The following FCHO1 variants were observed in gnomAD, a reference collection of about 807,000 sequenced individuals.
FCHO1 encodes the protein F-BAR domain only protein 1.
FCHO1 carries 45 observed loss-of-function variants against 114.4 expected under a neutral mutation model. The observed-to-expected ratio is 0.39, with a 90% CI of 0.31 to 0.50. The LOEUF is 0.50. Among genes scored for constraint, FCHO1 ranks in the 20% least tolerant of loss-of-function variants. The pLI is 0.77. For synonymous variants in FCHO1, 480 were observed against 488.9 expected (o/e 0.98, Z 0.24); for missense variants, 1,042 against 1,209.6 (o/e 0.86, Z 2.06).
chr19:17,774,647 A>G, intron 13 of FCHO1, 169 bp downstream of exon 13: 1 of 612,552 alleles, frequency 1.6e-6, no homozygotes, highest in Non-Finnish European at 2.9e-6. Context: ...GCCCCCGGCT[A>G]GCTCAATATT....
At chr19:17,788,135 C>G (rs1002937831) in intron 28 of FCHO1, 149 bp from the exon 29 acceptor site, 2 of 555,868 alleles carry the variant, frequency 3.6e-6, no homozygotes, top group African/African-American at 1.9e-5. Flanking sequence ...CAACAAGGGG[C>G]TCCTGGGGCC....
In FCHO1 at chr19:17,772,491, A is replaced by G. The variant is rs1207300456; in HGVS notation, c.629A>G (p.His210Arg). 6.2e-7 allele frequency: 1 copy of G among 1,614,034 alleles called. No homozygotes were observed. The highest frequency in any genetic ancestry group is 1.7e-5 in the Admixed American group (1 of 59,970). Residue 210 changes from histidine (H) to arginine (R), a missense_variant, in exon 10 of 29, where the codon CAC (histidine) becomes CGC (arginine). Transcript: ENST00000596536. ...GCCATGGAGGAGACACACCTGAGGC[A>G]CATGAAGGCACTGCTGGGCTCATAT... ...FQAMEETHLR[H>R]MKALLGSYAH...
intron 9 of FCHO1, among the ~76,000 whole-genome samples, chr19:17,772,174 TTG>T (rs10537480): frequency 0.41 from 61,899 of 150,884 alleles, 13,210 homozygotes; most frequent in East Asian, 0.74. Flanking sequence ...AGACATCCCC[TTG>T]TGTGTGTGTG....
At chr19:17,756,696 C>T (rs1189253076) in intron 4 of FCHO1, among the ~76,000 whole-genome samples, 1 of 152,192 alleles carries the variant, frequency 6.6e-6, no homozygotes, top group Non-Finnish European at 1.5e-5. Context: ...AGGGAGGCCT[C>T]CTGTGACATC....
intron 20 of FCHO1, 82 bp downstream of exon 20, chr19:17,778,966 A>G (rs2093015504): frequency 7.3e-7 from 1 of 1,373,076 alleles, no homozygotes; most frequent in Non-Finnish European, 9.6e-7. Flanking sequence ...GGGCCTGATC[A>G]GGCTGCTGGA....
intron 4 of FCHO1, among the ~76,000 whole-genome samples, chr19:17,762,336 T>C (rs1315950247): frequency 6.6e-6 from 1 of 151,958 alleles, no homozygotes; most frequent in Non-Finnish European, 1.5e-5. Flanking sequence ...GTTCAGCTTC[T>C]TTCTAAGGTT....
intron 19 of FCHO1, 119 bp from the exon 20 acceptor site, chr19:17,778,490 A>G: frequency 1.7e-6 from 2 of 1,165,116 alleles, no homozygotes; most frequent in Middle Eastern, 2.9e-4. Context: ...GGGCGTGCAC[A>G]AGGACTTTGA....
chr19:17,765,020 T>C (rs891708454), intron 6 of FCHO1, among the ~76,000 whole-genome samples: 38 of 143,902 alleles, frequency 2.6e-4, no homozygotes, highest in African/African-American at 7.6e-4. Flanking sequence ...GCCGAGATTG[T>C]GCCACTGCAC....
In FCHO1 at chr19:17,778,664, C is replaced by T. The variant is rs967454997; in HGVS notation, c.1407C>T (p.Pro469=). Residue 469 remains proline, a synonymous_variant, in exon 20 of 29, where the codon CCC becomes CCT. Coordinates refer to ENST00000596536, the MANE Select transcript of FCHO1 (RefSeq NM_015122.3). ...SSPSPFSSSS[P]ENVEDSGLDS... ...CCTCCCCTTTCTCCTCCTCGTCGCC[C>T]GAAAACGTGGAGGATTCCGGCCTGG... 2.5e-6 allele frequency: 4 copies of T among 1,573,188 alleles called. No individual in the cohort carries two copies. The highest frequency in any genetic ancestry group is 3.4e-6 in the Non-Finnish European group (4 of 1,163,594).
chr19:17,749,443 T>C (rs747161743), upstream of FCHO1, among the ~76,000 whole-genome samples: 6 of 152,016 alleles, frequency 3.9e-5, no homozygotes, highest in Non-Finnish European at 7.4e-5. Context: ...TTAAATCGGG[T>C]CACAGCTGAC....
chr19:17,772,874 G>A (rs1253753849), intron 11 of FCHO1, 133 bp downstream of exon 11: 3 of 655,386 alleles, frequency 4.6e-6, no homozygotes, highest in Non-Finnish European at 7.7e-6. Flanking sequence ...TGTTGGCCAG[G>A]CTGGTCTCGA....
rs2092507146 is a variant in FCHO1 at position 17,775,567 on chromosome 19, C to A, written c.1003+54C>A. 7 of 1,508,514 alleles carry A rather than the reference C, an allele frequency of 4.6e-6. No individual in the cohort carries two copies. The highest frequency in any genetic ancestry group is 4.5e-5 in the East Asian group (2 of 44,378). The allele number at this position is 1,508,514 out of a possible 1,614,324, so 93.4% of individuals were successfully genotyped here. A position where few individuals can be genotyped will look rare whatever the true frequency, so the allele number is the denominator to read the frequency against. ...TTGTTGGCACAGCAAGGACAAAATT[C>A]TCCGTAATAACCAGTCCACCTTCAG... On this transcript the variant is annotated intron_variant, in intron 15 of 28. Coordinates refer to ENST00000596536, the MANE Select transcript of FCHO1 (RefSeq NM_015122.3). This position sits in a 1 kb window ranked among gnomAD's most constrained non-coding sequence, Gnocchi z 5.1.
Position 17,775,422 on chromosome 19 carries a change from C to T in FCHO1, c.946-34C>T, listed in dbSNP as rs751434875. On this transcript the variant is annotated intron_variant, in intron 14 of 28. Transcript: ENST00000596536. This position sits in a 1 kb window ranked among gnomAD's most constrained non-coding sequence, Gnocchi z 5.1. ...TGAGATGGAAGGTTCGATAGTGGGG[C>T]GCCTGACTCACTGCTGCCCCCTGAC... 8.7e-6 allele frequency: 14 copies of T among 1,602,622 alleles called. No homozygotes were observed. The highest frequency in any genetic ancestry group is 3.3e-5 in the South Asian group (3 of 90,844).
At chr19:17,786,701 G>T in intron 27 of FCHO1, 72 bp downstream of exon 27, 3 of 1,511,882 alleles carry the variant, frequency 2.0e-6, no homozygotes, top group East Asian at 4.7e-5. Flanking sequence ...ATTTATGTTG[G>T]GGAAGAATTG....
At chr19:17,748,603 G>A (rs573064988), upstream of FCHO1, among the ~76,000 whole-genome samples, 1 of 151,174 alleles carries the variant, frequency 6.6e-6, no homozygotes, top group Non-Finnish European at 1.5e-5. Context: ...GATCTTGCCA[G>A]AGGCTGGCTG....
chr19:17,781,650 G>A, intron 22 of FCHO1, 62 bp from the exon 23 acceptor site: 1 of 1,543,894 alleles, frequency 6.5e-7, no homozygotes, highest in South Asian at 1.1e-5. Flanking sequence ...GGAGTCTCGA[G>A]CCTGGAGCCT....
At chr19:17,771,660 C>T (rs1027746515) in intron 9 of FCHO1, among the ~76,000 whole-genome samples, 27 of 151,394 alleles carry the variant, frequency 1.8e-4, no homozygotes, top group African/African-American at 6.3e-4. Flanking sequence ...CAGAGCGAGA[C>T]TCTGTCTCAA....
chr19:17,778,911 A>G, intron 20 of FCHO1, 27 bp downstream of exon 20: 1 of 1,510,100 alleles, frequency 6.6e-7, no homozygotes, highest in Non-Finnish European at 8.8e-7. Context: ...TGGGCCTGAG[A>G]GTTGCTGGAA....
In FCHO1 at chr19:17,775,481, G is replaced by C; in HGVS notation, c.971G>C (p.Gly324Ala). Reference sequence around the variant, plus strand: ...ACATGTCCAGAGGTGGATGAAGAAGGTTTCACTGTCCGGCCTGATGTGACC... The same window carrying C: ...ACATGTCCAGAGGTGGATGAAGAAGCTTTCACTGTCCGGCCTGATGTGACC... Reference protein sequence around the residue: ...SGTCPEVDEEGFTVRPDVTQN... With the variant: ...SGTCPEVDEEAFTVRPDVTQN... Residue 324 changes from glycine to alanine, a missense_variant, in exon 15 of 29, where the codon GGT becomes GCT. Around this residue, in one of 3 missense-constraint regions of FCHO1, gnomAD observed 450 missense variants for 564.1 expected, o/e 0.80. Coordinates refer to ENST00000596536, the MANE Select transcript of FCHO1 (RefSeq NM_015122.3). The surrounding 1 kb of genome is among the most constrained non-coding windows in gnomAD (Gnocchi z 5.1). The C allele has an allele frequency of 6.2e-7, 1 of 1,613,942 alleles. No homozygotes were observed. Among genetic ancestry groups the C allele is most frequent in the Non-Finnish European group, 8.5e-7 (1 of 1,179,978 alleles).
Sources: gnomAD v4.1 joint callset for allele counts (sites outside exome capture counted in the v4.1 genomes callset) on GRCh38, gnomAD v4.1.1 for gene constraint, gnomAD v4.1.1 regional missense constraint, Gnocchi (gnomAD v3.1) non-coding constraint, MANE v1.5 for transcripts, NCBI Gene and HGNC (gene_info 2026-07-23, HGNC 2026-07-21) for gene names.